DDX60L: variants seen among roughly 807,000 people sequenced by gnomAD.
DDX60L encodes the protein DExD/H-box 60 like.
A neutral mutation model predicts 211.6 loss-of-function variants in DDX60L; 191 were observed. The observed-to-expected ratio is 0.90, with a 90% CI of 0.80 to 1.02. The LOEUF (loss-of-function observed/expected upper bound fraction) is 1.02, where lower values mean the gene tolerates loss of function less well. DDX60L is among the 50% of genes least tolerant of loss of function. The probability of loss-of-function intolerance (pLI) is 0.00; values close to 1 mark genes in which losing one functional copy is unlikely to be tolerated. For synonymous variants in DDX60L, 706 were observed against 694.1 expected, an observed-to-expected ratio of 1.02 and a Z score of -0.27; for missense variants, 2,007 against 1,984.1, an observed-to-expected ratio of 1.01 and a Z score of -0.22.
chr4:168,395,857 A>G lies in DDX60L; in HGVS notation c.3657+102T>C, dbSNP rs530275542. 72 of 798,780 alleles carry G rather than the reference A, an allele frequency of 9.0e-5. No individual in the cohort carries two copies. In the African/African-American group the frequency reaches 1.2e-3, roughly 14 times the overall value. 49.5% of individuals were successfully genotyped at this position (798,780 alleles called of 1,614,324 possible). On this transcript the variant is annotated intron_variant, in intron 27 of 37. Coordinates refer to ENST00000682922, the MANE Select transcript of DDX60L (RefSeq NM_001012967.3). ...TCACACACAGAGATAATCATATTTC[A>G]AAGGTATTACACAAGTCATTTCAGT...
chr4:168,379,639 G>C (rs1742582950), intron 31 of DDX60L, 87 bp downstream of exon 31: 1 of 1,247,958 alleles, frequency 8.0e-7, no homozygotes, highest in Non-Finnish European at 1.1e-6. Context: ...ATTGAATGCA[G>C]ATTATAGAAA....
intron 1 of DDX60L, among the ~76,000 whole-genome samples, chr4:168,478,951 G>C (rs1759986238): frequency 6.6e-6 from 1 of 152,180 alleles, no homozygotes; most frequent in African/African-American, 2.4e-5. Flanking sequence ...TTATGACCCA[G>C]CATACCATGG....
At chr4:168,411,652 A>G (rs1467138050) in intron 22 of DDX60L, among the ~76,000 whole-genome samples, 1 of 152,068 alleles carries the variant, frequency 6.6e-6, no homozygotes, top group Admixed American at 6.5e-5. Context: ...ATAAACTTGA[A>G]AAGCAGCCTA....
chr4:168,469,201 T>C (rs978640503), intron 4 of DDX60L: 4 of 152,208 alleles, frequency 2.6e-5, no homozygotes, highest in African/African-American at 9.6e-5. Context: ...GTACTGGTAA[T>C]TTGTTAAATC....
At chr4:168,387,598 G>T (rs1039988857) in intron 29 of DDX60L, among the ~76,000 whole-genome samples, 1 of 152,132 alleles carries the variant, frequency 6.6e-6, no homozygotes, top group African/African-American at 2.4e-5. Flanking sequence ...ATATCCTTTT[G>T]TTAACACTCT....
In DDX60L at chr4:168,375,458, T is replaced by C; in HGVS notation, c.4552A>G (p.Lys1518Glu). 1 of 1,613,052 alleles carries C rather than the reference T, an allele frequency of 6.2e-7. No homozygotes were observed. The highest frequency in any genetic ancestry group is 8.5e-7 in the Non-Finnish European group (1 of 1,179,490). The change falls in exon 34 of 38, where the codon AAG becomes GAG. Residue 1518 changes from lysine to glutamate, a missense_variant. Lys to Glu is a moderately conservative substitution (Grantham distance 56, BLOSUM62 1). Coordinates refer to ENST00000682922, the MANE Select transcript of DDX60L (RefSeq NM_001012967.3). ...ATCAGCAGGAAGGAGGCAAAATCCTTCATTACTGCCAGGTTATACTCATAT... is the reference window on the plus strand; with the variant it reads ...ATCAGCAGGAAGGAGGCAAAATCCTCCATTACTGCCAGGTTATACTCATAT... ...ALYEYNLAVMKDFASFLLIAS... is the reference protein window; with the variant it reads ...ALYEYNLAVMEDFASFLLIAS...
Position 168,456,117 on chromosome 4 carries a change from C to T in DDX60L, c.759G>A (p.Trp253Ter). Residue 253 changes from tryptophan (W) to a stop codon, truncating the protein, a stop_gained, in exon 7 of 38, where the codon TGG (tryptophan) becomes TGA (stop). Coordinates refer to ENST00000682922, the MANE Select transcript of DDX60L (RefSeq NM_001012967.3). LOFTEE classifies it high-confidence loss of function. ...YQTLFLLQHL[W>*]SEGSDIQRVL... ...CACGCTGGATGTCCGATCCTTCTGA[C>T]CATAGGTGCTGAAGCAGAAATAGAG... is the stretch of plus-strand genomic sequence containing the variant. The T allele has an allele frequency of 6.3e-7, 1 of 1,592,566 alleles. No homozygotes were observed. The highest frequency in any genetic ancestry group is 8.5e-7 in the Non-Finnish European group (1 of 1,171,688).
Position 168,422,070 on chromosome 4 carries a change from A to T in DDX60L, c.2245-161T>A, listed in dbSNP as rs530040714. 3.9e-5 allele frequency among the ~76,000 whole-genome samples: 6 copies of T among 152,380 alleles called. No individual in the cohort carries two copies. In the South Asian group the frequency reaches 1.0e-3, roughly 26 times the overall value. ...ATTAGGTCTGGTGAACACTCGAAGG[A>T]TTCAGGAAAATACCTGGATTACTCA... is the stretch of plus-strand genomic sequence containing the variant. On this transcript the variant is annotated intron_variant, in intron 16 of 37. Coordinates refer to ENST00000682922, the MANE Select transcript of DDX60L (RefSeq NM_001012967.3).
In DDX60L at chr4:168,441,442, A is replaced by C. The variant is rs1342822192; in HGVS notation, c.1189T>G (p.Trp397Gly). 1 of 1,612,886 alleles carries C rather than the reference A, an allele frequency of 6.2e-7. No homozygotes were observed. Among genetic ancestry groups the C allele is most frequent in the South Asian group, 1.1e-5 (1 of 90,878 alleles). ...DSIRRDYEDL[W>G]NVVSHLVKEF... Reference sequence around the variant, plus strand: ...TTAACCAGGTGTGACACAACATTCCACAGGTCTTCATAATCCCTCCTAATG... The same window carrying C: ...TTAACCAGGTGTGACACAACATTCCCCAGGTCTTCATAATCCCTCCTAATG... Residue 397 changes from tryptophan to glycine, a missense_variant, in exon 10 of 38, where the codon TGG (tryptophan) becomes GGG (glycine). Trp to Gly is a radical substitution (Grantham distance 184). Transcript: ENST00000682922.
chr4:168,449,632 TAAAACAA>T (rs1755402398), intron 8 of DDX60L, among the ~76,000 whole-genome samples: 2 of 5,598 alleles, frequency 3.6e-4, no homozygotes, highest in Admixed American at 5.2e-3. Flanking sequence ...AAAAAAACAT[TAAAACAA>T]AAAAAAAAAA....
At chr4:168,463,724 C>A (rs1278890999) in intron 4 of DDX60L, among the ~76,000 whole-genome samples, 1 of 152,028 alleles carries the variant, frequency 6.6e-6, no homozygotes, top group Non-Finnish European at 1.5e-5. Context: ...CCAAAACTAA[C>A]CCCCACCCCA....
Position 168,432,572 on chromosome 4 carries a change from T to C in DDX60L, c.1401-2A>G. Reference sequence around the variant, plus strand: ...AGTGAAGGAACAACCGGATCATCACTGTAAAAATAAATACATAATTTTTTT... The same window carrying C: ...AGTGAAGGAACAACCGGATCATCACCGTAAAAATAAATACATAATTTTTTT... On this transcript the variant is annotated splice_acceptor_variant, in intron 11 of 37. Transcript: ENST00000682922. LOFTEE classifies it high-confidence loss of function. The C allele has an allele frequency of 1.3e-6, 2 of 1,527,146 alleles. No individual in the cohort carries two copies. Among genetic ancestry groups the C allele is most frequent in the Non-Finnish European group, 1.8e-6 (2 of 1,132,938 alleles). 94.6% of individuals were successfully genotyped at this position (1,527,146 alleles called of 1,614,324 possible). A position where few individuals can be genotyped will look rare whatever the true frequency, so the allele number is the denominator to read the frequency against.
chr4:168,434,767 A>C (rs967787299), intron 10 of DDX60L, among the ~76,000 whole-genome samples: 3 of 152,224 alleles, frequency 2.0e-5, no homozygotes, highest in Admixed American at 6.5e-5. Flanking sequence ...TGATCTGTAC[A>C]AAAGGAAGAG....
At chr4:168,361,415 C>A in intron 36 of DDX60L, 1 of 445,424 alleles carries the variant, frequency 2.2e-6, no homozygotes, top group South Asian at 3.8e-5. Flanking sequence ...GATAATTTGA[C>A]CATTATCAAA....
rs1349401106 is a variant in DDX60L, at chr4:168,419,310, A to C, written c.2602T>G (p.Phe868Val). 1.3e-6 allele frequency: 2 copies of C among 1,592,258 alleles called. No homozygotes were observed. The highest frequency in any genetic ancestry group is 3.5e-5 in the Admixed American group (2 of 57,580). Reference sequence around the variant, plus strand: ...ACTAACACCAAACCTACCTCATCAAATATAACATATCTGATCCTTTCCACC... The same window carrying C: ...ACTAACACCAAACCTACCTCATCAACTATAACATATCTGATCCTTTCCACC... ...KWVERIRYVIFDEVHYLGREV... is the reference protein window; with the variant it reads ...KWVERIRYVIVDEVHYLGREV... The change falls in exon 19 of 38, where the codon TTT (phenylalanine) becomes GTT (valine). Residue 868 changes from phenylalanine to valine, a missense_variant. Physicochemically the swap from Phe to Val is conservative, Grantham distance 50. Coordinates refer to ENST00000682922, the MANE Select transcript of DDX60L (RefSeq NM_001012967.3).
Position 168,371,616 on chromosome 4 carries a change from T to G in DDX60L, c.4924A>C (p.Asn1642His). ...GAAACATACCCATAAACTTACCCAT[T>G]TTTTTGGTCTAATCTTGTCAAGCAG... ...HNCLTRLDQK[N>H]GMRMGQLLKC... The change falls in exon 36 of 38, where the codon AAT (asparagine) becomes CAT (histidine). Residue 1642 changes from asparagine to histidine, a missense_variant. Asn to His is a moderately conservative substitution (Grantham distance 68, BLOSUM62 1). Coordinates refer to ENST00000682922, the MANE Select transcript of DDX60L (RefSeq NM_001012967.3). 1 of 1,549,488 alleles carries G rather than the reference T, an allele frequency of 6.5e-7. No homozygotes were observed. Among genetic ancestry groups the G allele is most frequent in the Non-Finnish European group, 8.7e-7 (1 of 1,144,870 alleles).
chr4:168,425,018 TCATGGCTGTAGCATCAGC>T (rs1470786087), intron 14 of DDX60L, among the ~76,000 whole-genome samples: 1 of 152,218 alleles, frequency 6.6e-6, no homozygotes, highest in East Asian at 1.9e-4. Context: ...AATACAGTTA[TCATGGCTGTAGCATCAGC>T]CACCAACTGC....
Position 168,358,265 on chromosome 4 carries a change from C to G in DDX60L, c.5003G>C (p.Ser1668Thr), listed in dbSNP as rs766664760. ...GTCACGCTTATTTTCACATAGTTCA[C>G]TCAAGGAGTCACTGTATAAATGATA... ...FNIQAISDSL[S>T]ELCENKRDNV... The change falls in exon 38 of 38, where the codon AGT becomes ACT. Residue 1668 changes from serine to threonine, a missense_variant. Coordinates refer to ENST00000682922, the MANE Select transcript of DDX60L (RefSeq NM_001012967.3). 160 of 1,578,246 alleles carry G rather than the reference C, an allele frequency of 1.0e-4. 1 individual carries two copies. Among genetic ancestry groups the G allele is most frequent in the Non-Finnish European group, 1.3e-4 (149 of 1,162,936 alleles).
At chr4:168,382,110 T>C (rs150413706) in intron 30 of DDX60L, among the ~76,000 whole-genome samples, 297 of 152,320 alleles carry the variant, frequency 1.9e-3, no homozygotes, top group African/African-American at 6.6e-3. Context: ...TATAAGAATA[T>C]GGAAAACTTG....
Sources: gnomAD v4.1 joint callset for allele counts (sites outside exome capture counted in the v4.1 genomes callset) on GRCh38, gnomAD v4.1.1 for gene constraint, MANE v1.5 for transcripts, NCBI Gene and HGNC (gene_info 2026-07-23, HGNC 2026-07-21) for gene names.